SH3BGRL2: variants seen among roughly 807,000 people sequenced by gnomAD.
SH3BGRL2 encodes SH3 domain binding glutamate rich protein like 2, also known as SH3 domain-binding glutamic acid-rich-like protein 2.
Under a neutral mutation model 14.8 loss-of-function variants are expected in SH3BGRL2, and 21 were observed. That is an observed-to-expected ratio of 1.42 (90% CI 1.01 to 2.05). SH3BGRL2 has a LOEUF of 2.05. Ranked by LOEUF, SH3BGRL2 falls within the 30% of genes most tolerant of loss-of-function variation. The pLI, the probability that SH3BGRL2 is intolerant of heterozygous loss-of-function variation, is 0.00. For synonymous variants in SH3BGRL2, 50 were observed against 47.8 expected (o/e 1.05, Z -0.19); for missense variants, 147 against 130.8 (o/e 1.12, Z -0.61).
At chr6:79,668,457 G>T (rs749720878) in intron 1 of SH3BGRL2, among the ~76,000 whole-genome samples, 13 of 152,154 alleles carry the variant, frequency 8.5e-5, no homozygotes, top group Non-Finnish European at 1.9e-4. Flanking sequence ...GGTGAGTCAC[G>T]AGGGCTTGGG....
chr6:79,596,636 T>A, the SH3BGRL2 span, among the ~76,000 whole-genome samples: 1 of 152,036 alleles, frequency 6.6e-6, no homozygotes, highest in Non-Finnish European at 1.5e-5. Context: ...CCTAAATAAA[T>A]GAAAAGACAT....
At chr6:79,693,320 T>G (rs1770264532) in intron 2 of SH3BGRL2, among the ~76,000 whole-genome samples, 1 of 151,736 alleles carries the variant, frequency 6.6e-6, no homozygotes, top group Middle Eastern at 3.4e-3. Flanking sequence ...CAATTTGACT[T>G]CCTCTTTTCC....
the SH3BGRL2 span, among the ~76,000 whole-genome samples, chr6:79,552,333 T>C: frequency 6.6e-6 from 1 of 152,184 alleles, no homozygotes; most frequent in Non-Finnish European, 1.5e-5. Flanking sequence ...AGTTGTTGAA[T>C]AAAAAGAAAA....
chr6:79,608,204 A>G, the SH3BGRL2 span, among the ~76,000 whole-genome samples: 1 of 152,166 alleles, frequency 6.6e-6, no homozygotes, highest in Non-Finnish European at 1.5e-5. Flanking sequence ...CACCTCCTCT[A>G]ACACTGAGGA....
chr6:79,656,996 TG>T (rs1769432718), intron 1 of SH3BGRL2, among the ~76,000 whole-genome samples: 1 of 152,218 alleles, frequency 6.6e-6, no homozygotes, highest in African/African-American at 2.4e-5. Context: ...ACAAGTCTTT[TG>T]AAGCCTGATG....
chr6:79,541,642 A>G, the SH3BGRL2 span, among the ~76,000 whole-genome samples: 1 of 152,198 alleles, frequency 6.6e-6, no homozygotes, highest in African/African-American at 2.4e-5. Flanking sequence ...ACACTTGAAT[A>G]TGAACTATTA....
the SH3BGRL2 span, among the ~76,000 whole-genome samples, chr6:79,580,257 T>A: frequency 6.6e-6 from 1 of 152,116 alleles, no homozygotes; most frequent in Non-Finnish European, 1.5e-5. Context: ...AACAAGGATA[T>A]CCAGGACCTG....
At chr6:79,600,386 C>G in the SH3BGRL2 span, among the ~76,000 whole-genome samples, 3 of 152,124 alleles carry the variant, frequency 2.0e-5, no homozygotes, top group Non-Finnish European at 4.4e-5. Context: ...TGAGCTTAGC[C>G]GTGAGCCCAG....
At chr6:79,662,642 G>A (rs957510487) in intron 1 of SH3BGRL2, among the ~76,000 whole-genome samples, 2 of 151,942 alleles carry the variant, frequency 1.3e-5, no homozygotes, top group Non-Finnish European at 2.9e-5. Context: ...TGCTCTTCTC[G>A]GGAGTATCTT....
intron 1 of SH3BGRL2, among the ~76,000 whole-genome samples, chr6:79,634,253 T>TA (rs370525208): frequency 3.3e-5 from 5 of 152,234 alleles, no homozygotes; most frequent in African/African-American, 1.2e-4. Flanking sequence ...AAGGAATGAT[T>TA]CCTCTTTTGT....
At chr6:79,696,683 G>T in intron 3 of SH3BGRL2, 118 bp downstream of exon 3, 1 of 695,398 alleles carries the variant, frequency 1.4e-6, no homozygotes, top group Non-Finnish European at 2.3e-6. Flanking sequence ...TGGGGGTTTT[G>T]CTTCCTCTGA....
At chr6:79,671,950 G>A (rs1489544708) in intron 1 of SH3BGRL2, among the ~76,000 whole-genome samples, 1 of 152,226 alleles carries the variant, frequency 6.6e-6, no homozygotes, top group East Asian at 1.9e-4. Context: ...TTGTTATTTG[G>A]GTGATTTGCT....
the SH3BGRL2 span, among the ~76,000 whole-genome samples, chr6:79,578,425 G>A: frequency 2.0e-5 from 3 of 152,154 alleles, no homozygotes; most frequent in Admixed American, 1.3e-4. Flanking sequence ...CAAAGCTTCC[G>A]GAGGAAGGAT....
At chr6:79,586,691 C>T in the SH3BGRL2 span, among the ~76,000 whole-genome samples, 1 of 152,126 alleles carries the variant, frequency 6.6e-6, no homozygotes, top group Non-Finnish European at 1.5e-5. Flanking sequence ...TATTCTCTGC[C>T]CTTCTGTACT....
chr6:79,684,146 G>A (rs987103055), intron 2 of SH3BGRL2, among the ~76,000 whole-genome samples: 3 of 152,130 alleles, frequency 2.0e-5, no homozygotes, highest in African/African-American at 7.2e-5. Flanking sequence ...ATACTTAAGG[G>A]AAAGCCCTAA....
the SH3BGRL2 span, among the ~76,000 whole-genome samples, chr6:79,558,496 A>G: frequency 6.6e-6 from 1 of 152,190 alleles, no homozygotes; most frequent in East Asian, 1.9e-4. Flanking sequence ...CATTTAAACA[A>G]CAGAATACAC....
At chr6:79,583,326 T>C in the SH3BGRL2 span, among the ~76,000 whole-genome samples, 13 of 152,154 alleles carry the variant, frequency 8.5e-5, no homozygotes, top group Admixed American at 6.5e-4. Context: ...TAAAGACACA[T>C]GCACAAGTAT....
chr6:79,669,277 T>C (rs1044532378), intron 1 of SH3BGRL2, among the ~76,000 whole-genome samples: 1 of 152,092 alleles, frequency 6.6e-6, no homozygotes, highest in Non-Finnish European at 1.5e-5. Flanking sequence ...GAGAGGGCTC[T>C]TTGAAGAGGT....
chr6:79,575,337 T>C, the SH3BGRL2 span: 2 of 152,236 alleles, frequency 1.3e-5, no homozygotes, highest in African/African-American at 4.8e-5. Flanking sequence ...TTTATCAGTT[T>C]ATACGAGAGC....
Sources: gnomAD v4.1 joint callset for allele counts (sites outside exome capture counted in the v4.1 genomes callset) on GRCh38, gnomAD v4.1.1 for gene constraint, MANE v1.5 for transcripts, NCBI Gene and HGNC (gene_info 2026-07-23, HGNC 2026-07-21) for gene names.